PSD3: variants seen among roughly 807,000 people sequenced by gnomAD.
PSD3 encodes pleckstrin and Sec7 domain containing 3, also known as PH and SEC7 domain-containing protein 3.
In PSD3, 49 loss-of-function variants were observed where a neutral mutation model predicts 105.5. The observed-to-expected ratio is 0.46, with a 90% CI of 0.37 to 0.59. The LOEUF (loss-of-function observed/expected upper bound fraction) is 0.59. Among genes scored for constraint, PSD3 ranks in the 20% least tolerant of loss-of-function variants. PSD3 has a pLI of 0.00. For missense variants in PSD3, 1,561 were observed against 1,263.8 expected (o/e 1.24, Z -3.57); for synonymous variants, 557 against 457.8 (o/e 1.22, Z -2.77).
intron 1 of PSD3, among the ~76,000 whole-genome samples, chr8:18,949,871 TTCA>T (rs1181455233): frequency 6.6e-6 from 1 of 152,038 alleles, no homozygotes; most frequent in Non-Finnish European, 1.5e-5. Context: ...GATAAATTTT[TTCA>T]TCATATTTTA....
intron 2 of PSD3, among the ~76,000 whole-genome samples, chr8:18,913,086 AACACACACACACAC>A (rs72253853): frequency 3.8e-5 from 5 of 130,462 alleles, no homozygotes; most frequent in Non-Finnish European, 8.2e-5. Context: ...CACACACACA[AACACACACACACAC>A]ACACACACAC....
At chr8:18,770,020 G>A (rs1018106403) in intron 8 of PSD3, among the ~76,000 whole-genome samples, 1 of 152,078 alleles carries the variant, frequency 6.6e-6, no homozygotes, top group African/African-American at 2.4e-5. Context: ...TGAGTCCTAT[G>A]GTAATCTTGT....
chr8:18,644,732 C>T (rs942312894), intron 10 of PSD3, among the ~76,000 whole-genome samples: 1 of 152,154 alleles, frequency 6.6e-6, no homozygotes, highest in African/African-American at 2.4e-5. Context: ...TTACCCAATT[C>T]CAAGGCCCCT....
intron 12 of PSD3, among the ~76,000 whole-genome samples, chr8:18,585,318 T>A (rs1210626925): frequency 6.6e-6 from 1 of 152,164 alleles, no homozygotes; most frequent in Non-Finnish European, 1.5e-5. Context: ...AGCCAGTCAC[T>A]TTATTTTTAT....
intron 3 of PSD3, among the ~76,000 whole-genome samples, chr8:18,869,270 GC>G (rs1817168316): frequency 6.8e-6 from 1 of 147,376 alleles, no homozygotes; most frequent in Non-Finnish European, 1.5e-5. Context: ...GCTCACTGCA[GC>G]CTCCGCCTCC....
intron 14 of PSD3, among the ~76,000 whole-genome samples, chr8:18,569,353 T>C (rs1002843636): frequency 6.9e-6 from 1 of 143,938 alleles, no homozygotes; most frequent in Non-Finnish European, 1.5e-5. Context: ...TTTCTCCACA[T>C]CCTCTCCAGC....
chr8:18,627,545 T>A (rs1297552112), intron 11 of PSD3, among the ~76,000 whole-genome samples: 2 of 152,152 alleles, frequency 1.3e-5, no homozygotes, highest in African/African-American at 4.8e-5. Flanking sequence ...ACATGCCATA[T>A]TGGAAAGAGG....
At chr8:18,818,845 G>C (rs1187136093) in intron 4 of PSD3, among the ~76,000 whole-genome samples, 1 of 152,106 alleles carries the variant, frequency 6.6e-6, no homozygotes, top group Non-Finnish European at 1.5e-5. Context: ...CAGATTGTTA[G>C]AGTAAATTTA....
rs114425839 is a variant in PSD3, at chr8:18,610,941, T to A, written c.2411-10507A>T. ...CTAAACATCTCTGGTTAAAAATCTA[T>A]ACAATGAATCTACTACGATGTGCCA... is the stretch of plus-strand genomic sequence containing the variant. On this transcript the variant is annotated intron_variant, in intron 11 of 15. Coordinates refer to ENST00000327040, the MANE Select transcript of PSD3 (RefSeq NM_015310.4). 3.0e-3 allele frequency among the ~76,000 whole-genome samples: 451 copies of A among 152,330 alleles called. 1 individual carries two copies. Among genetic ancestry groups the A allele is most frequent in the African/African-American group, 0.01 (424 of 41,568 alleles).
intron 12 of PSD3, among the ~76,000 whole-genome samples, chr8:18,575,501 G>A (rs1373305007): frequency 6.6e-6 from 1 of 152,040 alleles, no homozygotes; most frequent in Non-Finnish European, 1.5e-5. Context: ...TCTACCCAAG[G>A]CATTTTTTTA....
chr8:18,814,463 C>T (rs1563303396), intron 4 of PSD3, among the ~76,000 whole-genome samples: 1 of 152,162 alleles, frequency 6.6e-6, no homozygotes, highest in Admixed American at 6.6e-5. Context: ...TTTCTAGGGG[C>T]ATGATGCAGG....
At chr8:18,569,007 T>A (rs1370718549) in intron 14 of PSD3, among the ~76,000 whole-genome samples, 14 of 143,458 alleles carry the variant, frequency 9.8e-5, no homozygotes, top group Non-Finnish European at 1.1e-4. Flanking sequence ...ATTTCCAATT[T>A]CATCCATGTC....
intron 12 of PSD3, among the ~76,000 whole-genome samples, chr8:18,593,381 C>G (rs1159053731): frequency 1.3e-5 from 2 of 152,212 alleles, no homozygotes; most frequent in Admixed American, 6.5e-5. Flanking sequence ...AAATGCTCAT[C>G]ATCACTGGCC....
intron 9 of PSD3, among the ~76,000 whole-genome samples, chr8:18,709,837 G>A (rs1420908431): frequency 1.3e-5 from 2 of 152,090 alleles, no homozygotes; most frequent in Non-Finnish European, 2.9e-5. Context: ...CCCAGCCAAA[G>A]GCCAGCAGCC....
intron 1 of PSD3, among the ~76,000 whole-genome samples, chr8:18,943,878 C>G (rs1444258441): frequency 3.3e-5 from 5 of 151,818 alleles, no homozygotes; most frequent in Admixed American, 2.0e-4. Flanking sequence ...TTATGGCACC[C>G]TATACTTCAC....
intron 9 of PSD3, among the ~76,000 whole-genome samples, chr8:18,674,182 G>A (rs1042808687): frequency 4.6e-5 from 7 of 152,018 alleles, no homozygotes; most frequent in African/African-American, 1.4e-4. Flanking sequence ...AGGGTATGCG[G>A]CTATCAAAGC....
At chr8:18,767,201 C>G (rs1305054446) in intron 8 of PSD3, among the ~76,000 whole-genome samples, 2 of 152,132 alleles carry the variant, frequency 1.3e-5, no homozygotes, top group African/African-American at 4.8e-5. Flanking sequence ...ATTAGAAAAT[C>G]CAAACTACAA....
At chr8:18,826,237 C>T (rs908119971) in intron 4 of PSD3, among the ~76,000 whole-genome samples, 9 of 152,174 alleles carry the variant, frequency 5.9e-5, no homozygotes, top group Non-Finnish European at 1.3e-4. Context: ...CCAGAGGCTT[C>T]CCTGGGTCTC....
At chr8:18,644,885 G>A (rs922544589) in intron 10 of PSD3, among the ~76,000 whole-genome samples, 2 of 152,154 alleles carry the variant, frequency 1.3e-5, no homozygotes, top group Non-Finnish European at 2.9e-5. Flanking sequence ...TACAGTATTG[G>A]AGGCTGGAAG....
Sources: gnomAD v4.1 joint callset for allele counts (sites outside exome capture counted in the v4.1 genomes callset) on GRCh38, gnomAD v4.1.1 for gene constraint, MANE v1.5 for transcripts, NCBI Gene and HGNC (gene_info 2026-07-23, HGNC 2026-07-21) for gene names.